CC2D1A: variants seen among roughly 807,000 people sequenced by gnomAD.
CC2D1A encodes the protein coiled-coil and C2 domain-containing protein 1A.
In CC2D1A, 68 loss-of-function variants were observed where a neutral mutation model predicts 123.8. The observed-to-expected ratio is 0.55, with a 90% CI of 0.45 to 0.67. CC2D1A has a LOEUF of 0.67. Ranked by LOEUF, CC2D1A falls within the 30% of genes least tolerant of loss-of-function variation. CC2D1A has a pLI of 0.00. For missense variants in CC2D1A, 1,185 were observed against 1,290.3 expected, an observed-to-expected ratio of 0.92 and a Z score of 1.25; for synonymous variants, 477 against 528.0, an observed-to-expected ratio of 0.90 and a Z score of 1.32.
chr19:13,912,455 G>T lies in CC2D1A; in HGVS notation c.312+17G>T. 1 of 1,613,882 alleles carries T rather than the reference G, an allele frequency of 6.2e-7. No individual in the cohort carries two copies. Among genetic ancestry groups the T allele is most frequent in the Non-Finnish European group, 8.5e-7 (1 of 1,179,924 alleles). ...GACCTGCTGGTGAGCACTGAGGGCG[G>T]GGTGGGGGCTCTGATCCGGTTGCCC... On this transcript the variant is annotated intron_variant, in intron 3 of 28. Coordinates refer to ENST00000318003, the MANE Select transcript of CC2D1A (RefSeq NM_017721.5).
rs1399138481 is a variant in CC2D1A at position 13,906,803 on chromosome 19, T to G, written c.60+302T>G. On this transcript the variant is annotated intron_variant, in intron 1 of 28. Transcript: ENST00000318003. The surrounding 1 kb of genome is among the most constrained non-coding windows in gnomAD (Gnocchi z 4.1). ...GCATCAGTCGGGCCATGTCAGACTCTTTTTATTCCATTGTACAGATGAGGA... is the reference window on the plus strand; with the variant it reads ...GCATCAGTCGGGCCATGTCAGACTCGTTTTATTCCATTGTACAGATGAGGA... 6.6e-6 allele frequency among the ~76,000 whole-genome samples: 1 copy of G among 152,228 alleles called. No individual in the cohort carries two copies. The highest frequency in any genetic ancestry group is 1.9e-4 in the East Asian group (1 of 5,196).
rs745957892 is a variant in CC2D1A at position 13,918,067 on chromosome 19, C to T, written c.749-3C>T. On this transcript the variant is annotated splice_region_variant and splice_polypyrimidine_tract_variant and intron_variant, in intron 6 of 28. Transcript: ENST00000318003. ...GCTTCCTGTATGTTGTTCTCCCTTCCAGGTCCCTGCAGCCCTGGCCCTCTG... is the reference window on the plus strand; with the variant it reads ...GCTTCCTGTATGTTGTTCTCCCTTCTAGGTCCCTGCAGCCCTGGCCCTCTG... 3 of 1,613,112 alleles carry T rather than the reference C, an allele frequency of 1.9e-6. No homozygotes were observed. The highest frequency in any genetic ancestry group is 2.5e-6 in the Non-Finnish European group (3 of 1,179,918).
chr19:13,913,978 T>G (rs1445155037), intron 6 of CC2D1A, among the ~76,000 whole-genome samples: 1 of 151,792 alleles, frequency 6.6e-6, no homozygotes, highest in African/African-American at 2.4e-5. Context: ...ACCTCCCAAG[T>G]TCAAGCGATT....
intron 14 of CC2D1A, among the ~76,000 whole-genome samples, chr19:13,922,685 C>T (rs1971449585): frequency 6.6e-6 from 1 of 152,196 alleles, no homozygotes; most frequent in Admixed American, 6.5e-5. Flanking sequence ...GTTCTCTCTT[C>T]TTCATCCTTG....
intron 1 of CC2D1A, among the ~76,000 whole-genome samples, chr19:13,908,822 G>C (rs975260928): frequency 6.6e-6 from 1 of 152,194 alleles, no homozygotes; most frequent in Admixed American, 6.5e-5. Flanking sequence ...TTTGGGCAAA[G>C]TGTGGAGCCT....
chr19:13,918,344 G>A lies in CC2D1A; in HGVS notation c.873+150G>A. On this transcript the variant is annotated intron_variant, in intron 7 of 28. Transcript: ENST00000318003. ...CTTGGAGCCTCAGTTTACCCCCTCT[G>A]TGAAATGGGCACGTGTGTTGGAAGA... The A allele has an allele frequency of 3.5e-6, 4 of 1,156,010 alleles. No homozygotes were observed. In the South Asian group the frequency reaches 4.8e-5, roughly 14 times the overall value. The allele number at this position is 1,156,010 out of a possible 1,614,324, so 71.6% of individuals were successfully genotyped here.
chr19:13,915,276 C>T (rs922403541), intron 6 of CC2D1A, among the ~76,000 whole-genome samples: 1 of 152,176 alleles, frequency 6.6e-6, no homozygotes, highest in Non-Finnish European at 1.5e-5. Flanking sequence ...GACGGAGTCT[C>T]GCTCTTGTTT....
At chr19:13,918,339 CCT>C in intron 7 of CC2D1A, 145 bp downstream of exon 7, 1 of 1,180,882 alleles carries the variant, frequency 8.5e-7, no homozygotes, top group South Asian at 1.6e-5. Context: ...CAGTTTACCC[CCT>C]CTGTGAAATG....
In CC2D1A at chr19:13,929,581, C is replaced by T. The variant is rs1267467662; in HGVS notation, c.2631C>T (p.Ala877=). ...GGCGGCCGGTGCCCCCAGAAGTGGC[C>T]CAGCAGTACCAGGACATCATGCAAC... ...QARRPVPPEV[A]QQYQDIMQRS... Residue 877 remains alanine, a synonymous_variant, in exon 26 of 29, where the codon GCC becomes GCT. Coordinates refer to ENST00000318003, the MANE Select transcript of CC2D1A (RefSeq NM_017721.5). The T allele has an allele frequency of 4.4e-6, 7 of 1,607,290 alleles. No homozygotes were observed. The highest frequency in any genetic ancestry group is 5.1e-6 in the Non-Finnish European group (6 of 1,178,400).
intron 24 of CC2D1A, among the ~76,000 whole-genome samples, chr19:13,928,691 G>A (rs1971744275): frequency 6.7e-6 from 1 of 149,204 alleles, no homozygotes; most frequent in South Asian, 2.1e-4. Context: ...CATACCCCCA[G>A]TGCCCAGTGT....
chr19:13,927,975 AGACGAC>A lies in CC2D1A; in HGVS notation c.2403_2408del (p.Thr802_Thr803del). ...GAGCCACTGACAGCCCAGCAGTTGG[AGACGAC>A]GACAGAGAGGTGGCTGGTCATTGAC... On this transcript the variant is annotated inframe_deletion, in exon 23 of 29. Coordinates refer to ENST00000318003, the MANE Select transcript of CC2D1A (RefSeq NM_017721.5). The A allele has an allele frequency of 6.2e-7, 1 of 1,613,724 alleles. No individual in the cohort carries two copies. The highest frequency in any genetic ancestry group is 8.5e-7 in the Non-Finnish European group (1 of 1,179,886).
intron 17 of CC2D1A, 109 bp from the exon 18 acceptor site, chr19:13,926,408 G>A: frequency 4.4e-6 from 4 of 916,340 alleles, no homozygotes. Flanking sequence ...GAAGGCCAGG[G>A]TGGGGTTTGT....
Position 13,919,044 on chromosome 19 carries a change from TGCCCTG to T in CC2D1A, c.1149+4_1149+9del. ...CGAATGCACGAGCGCATCGTCAAGG[TGCCCTG>T]GGGGTTCCGGGGGAGGTGGGGCGAG... is the stretch of plus-strand genomic sequence containing the variant. On this transcript the variant is annotated splice_donor_5th_base_variant and intron_variant, in intron 10 of 28. Transcript: ENST00000318003. 6.2e-7 allele frequency: 1 copy of T among 1,606,240 alleles called. No homozygotes were observed. The highest frequency in any genetic ancestry group is 8.5e-7 in the Non-Finnish European group (1 of 1,175,774).
rs539340071 is a variant in CC2D1A at position 13,914,555 on chromosome 19, C to T, written c.748+917C>T. Among the ~76,000 whole-genome samples the T allele has an allele frequency of 1.8e-3, 269 of 151,724 alleles. 1 individual carries two copies. The highest frequency in any genetic ancestry group is 6.2e-3 in the African/African-American group (256 of 41,386). ...TTCACTGTGTTAGCCAGGATGGTCT[C>T]GATCTCCTGACCTTGTGATCTGCCT... On this transcript the variant is annotated intron_variant, in intron 6 of 28. Transcript: ENST00000318003.
intron 14 of CC2D1A, among the ~76,000 whole-genome samples, chr19:13,922,679 T>C (rs1971449487): frequency 6.6e-6 from 1 of 152,182 alleles, no homozygotes; most frequent in Non-Finnish European, 1.5e-5. Flanking sequence ...GATTTTGTTC[T>C]CTCTTCTTCA....
At chr19:13,922,119 AGCCTC>A (rs536732865) in intron 14 of CC2D1A, among the ~76,000 whole-genome samples, 410 of 152,268 alleles carry the variant, frequency 2.7e-3, no homozygotes, top group Non-Finnish European at 4.6e-3. Context: ...CTCCTGCCTT[AGCCTC>A]CCGAGTAGCT....
Position 13,912,454 on chromosome 19 carries a change from G to A in CC2D1A, c.312+16G>A, listed in dbSNP as rs200894011. 4 of 1,613,744 alleles carry A rather than the reference G, an allele frequency of 2.5e-6. No individual in the cohort carries two copies. Among genetic ancestry groups the A allele is most frequent in the African/African-American group, 1.3e-5 (1 of 74,896 alleles). ...TGACCTGCTGGTGAGCACTGAGGGC[G>A]GGGTGGGGGCTCTGATCCGGTTGCC... On this transcript the variant is annotated intron_variant, in intron 3 of 28. Transcript: ENST00000318003.
chr19:13,909,972 C>G lies in CC2D1A; in HGVS notation c.196+14C>G. 1 of 1,507,774 alleles carries G rather than the reference C, an allele frequency of 6.6e-7. No homozygotes were observed. The highest frequency in any genetic ancestry group is 1.4e-5 in the South Asian group (1 of 73,946). The allele number at this position is 1,507,774 out of a possible 1,614,324, so 93.4% of individuals were successfully genotyped here. ...TCAAAGGCAAAGGTGAGATGGTTAA[C>G]ACACCCTCAGAACATTTTCTGATCT... is the stretch of plus-strand genomic sequence containing the variant. On this transcript the variant is annotated intron_variant, in intron 2 of 28. Transcript: ENST00000318003.
chr19:13,920,776 G>A lies in CC2D1A; in HGVS notation c.1495G>A (p.Gly499Ser). Residue 499 changes from glycine (G) to serine (S), a missense_variant, in exon 14 of 29, where the codon GGC becomes AGC. Coordinates refer to ENST00000318003, the MANE Select transcript of CC2D1A (RefSeq NM_017721.5). Reference sequence around the variant, plus strand: ...CCAGCAGCAGCTGGCCTTCCTAGAGGGCCGCAAGAAGCAGCTCCTGCAGGC... The same window carrying A: ...CCAGCAGCAGCTGGCCTTCCTAGAGAGCCGCAAGAAGCAGCTCCTGCAGGC... ...RAQQQLAFLE[G>S]RKKQLLQAAL... 6.2e-7 allele frequency: 1 copy of A among 1,613,826 alleles called. No homozygotes were observed. The highest frequency in any genetic ancestry group is 1.3e-5 in the African/African-American group (1 of 75,054).
Sources: allele counts gnomAD v4.1 joint callset (sites outside exome capture counted in the v4.1 genomes callset), GRCh38; gene constraint gnomAD v4.1.1; non-coding constraint Gnocchi (gnomAD v3.1); transcripts MANE v1.5; gene names NCBI Gene and HGNC (gene_info 2026-07-23, HGNC 2026-07-21).